The following TRIP11 variants were observed in gnomAD, a reference collection of about 807,000 sequenced individuals.
TRIP11 encodes the protein thyroid hormone receptor interactor 11.
TRIP11 carries 148 observed loss-of-function variants against 223.1 expected under a neutral mutation model. That is an observed-to-expected ratio of 0.66 (90% CI 0.58 to 0.76). TRIP11 has a LOEUF of 0.76. Ranked by LOEUF, TRIP11 falls within the 30% of genes least tolerant of loss-of-function variation. The pLI is 0.00. For synonymous variants in TRIP11, 762 were observed against 772.6 expected, an observed-to-expected ratio of 0.99 and a Z score of 0.23; for missense variants, 2,043 against 2,222.0, an observed-to-expected ratio of 0.92 and a Z score of 1.62.
intron 2 of TRIP11, among the ~76,000 whole-genome samples, chr14:92,028,139 T>C (rs1215042732): frequency 2.6e-5 from 4 of 152,234 alleles, no homozygotes; most frequent in Non-Finnish European, 5.9e-5. Flanking sequence ...TCAGGTTTTT[T>C]TTCACACAAA....
At chr14:92,035,532 T>C (rs79875973) in intron 1 of TRIP11, among the ~76,000 whole-genome samples, 2,683 of 144,804 alleles carry the variant, frequency 0.019, 48 homozygotes, top group South Asian at 0.088. Context: ...GCTAATGAGC[T>C]TTAAAAAAAA....
chr14:92,006,633 C>T (rs2056906802), intron 10 of TRIP11, among the ~76,000 whole-genome samples, 185 bp from the exon 11 acceptor site: 2 of 152,102 alleles, frequency 1.3e-5, no homozygotes, highest in Non-Finnish European at 2.9e-5. Context: ...ACAGCAAACC[C>T]ATCTTGTCTT....
rs762148773 is a variant in TRIP11, at chr14:91,966,857, A to G, written c.*2816T>C. ...ATGGCAGCGAAGGTGGAATTCAACC[A>G]CAAATTCTACTGAGTGGATAGAGAA... On this transcript the variant is annotated 3_prime_UTR_variant, in exon 21 of 21. Transcript: ENST00000267622. 1.0e-4 allele frequency: 22 copies of G among 218,610 alleles called. No individual in the cohort carries two copies. Among genetic ancestry groups the G allele is most frequent in the Non-Finnish European group, 1.8e-4 (20 of 108,938 alleles). 13.5% of individuals were successfully genotyped at this position (218,610 alleles called of 1,614,324 possible). A position where few individuals can be genotyped will look rare whatever the true frequency, so the allele number is the denominator to read the frequency against.
At chr14:91,980,002 G>C (rs1185463506) in intron 16 of TRIP11, among the ~76,000 whole-genome samples, 2 of 151,662 alleles carry the variant, frequency 1.3e-5, no homozygotes, top group Non-Finnish European at 2.9e-5. Context: ...AAGGTGGAGG[G>C]GGGAACTTTA....
chr14:92,015,941 G>A (rs1309296923), intron 5 of TRIP11, 80 bp from the exon 6 acceptor site: 3 of 1,332,494 alleles, frequency 2.3e-6, no homozygotes, highest in Non-Finnish European at 3.1e-6. Flanking sequence ...TTGTCCAAAA[G>A]TGTGCATTAT....
At chr14:92,015,911 G>C in intron 5 of TRIP11, 50 bp from the exon 6 acceptor site, 1 of 1,477,370 alleles carries the variant, frequency 6.8e-7, no homozygotes, top group Non-Finnish European at 9.2e-7. Context: ...ATAAATTTAT[G>C]TAAGCTATAT....
chr14:92,010,586 T>TC (rs941483229), intron 9 of TRIP11, among the ~76,000 whole-genome samples: 34 of 151,942 alleles, frequency 2.2e-4, no homozygotes, highest in African/African-American at 8.2e-4. Flanking sequence ...TCTTTATGCC[T>TC]CACCACTAAG....
chr14:91,976,199 A>C lies in TRIP11; in HGVS notation c.5261-10T>G, dbSNP rs1330121209. ...TCTTGTCGGAGCTCATCTGTTGTAAAATATGTGAATAAAGATAGCCATTAA... is the reference window on the plus strand; with the variant it reads ...TCTTGTCGGAGCTCATCTGTTGTAACATATGTGAATAAAGATAGCCATTAA... On this transcript the variant is annotated splice_polypyrimidine_tract_variant and intron_variant, in intron 16 of 20. Transcript: ENST00000267622. 2 of 1,609,614 alleles carry C rather than the reference A, an allele frequency of 1.2e-6. No homozygotes were observed. The highest frequency in any genetic ancestry group is 1.7e-6 in the Non-Finnish European group (2 of 1,178,316).
chr14:92,038,692 A>C (rs1400469528), intron 1 of TRIP11, among the ~76,000 whole-genome samples: 3 of 152,220 alleles, frequency 2.0e-5, no homozygotes, highest in African/African-American at 7.2e-5. Flanking sequence ...TACAATTGTC[A>C]AAGCAGCAGC....
intron 13 of TRIP11, among the ~76,000 whole-genome samples, chr14:91,996,447 C>G (rs902962808): frequency 1.3e-5 from 2 of 152,152 alleles, no homozygotes; most frequent in African/African-American, 4.8e-5. Flanking sequence ...GAGGCCAAGG[C>G]AAAAGGACTG....
intron 13 of TRIP11, among the ~76,000 whole-genome samples, chr14:91,997,941 C>A (rs570505647): frequency 6.6e-6 from 1 of 152,074 alleles, no homozygotes; most frequent in Non-Finnish European, 1.5e-5. Flanking sequence ...AGTGAGAATA[C>A]AGAATGTTAC....
At chr14:92,034,162 G>A (rs1193168417) in intron 1 of TRIP11, among the ~76,000 whole-genome samples, 2 of 152,064 alleles carry the variant, frequency 1.3e-5, no homozygotes, top group African/African-American at 4.8e-5. Context: ...GTGGCTCACC[G>A]CCTGTAATCC....
At chr14:92,024,422 TC>T (rs2057155172) in intron 3 of TRIP11, among the ~76,000 whole-genome samples, 1 of 152,140 alleles carries the variant, frequency 6.6e-6, no homozygotes, top group Non-Finnish European at 1.5e-5. Context: ...TTTTTAGTAT[TC>T]ATTTTATTTT....
intron 3 of TRIP11, among the ~76,000 whole-genome samples, chr14:92,024,939 A>T (rs753270772): frequency 6.6e-6 from 1 of 152,200 alleles, no homozygotes; most frequent in Non-Finnish European, 1.5e-5. Context: ...GTAAATTATC[A>T]TATATTTAAT....
At position 91,967,134 on chromosome 14, in the gene TRIP11, G is replaced by GGTTTTTTTTTT. The variant is rs2056348888; in HGVS notation, c.*2538_*2539insAAAAAAAAAAC. On this transcript the variant is annotated 3_prime_UTR_variant, in exon 21 of 21. Coordinates refer to ENST00000267622, the MANE Select transcript of TRIP11 (RefSeq NM_004239.4). ...CACAATGAAAACATTAGGTACTATA[G>GGTTTTTTTTTT]CTTTTTTTTTTTTTTTTTTTTTTTT... The GGTTTTTTTTTT allele has an allele frequency of 8.8e-6, 1 of 113,828 alleles. No homozygotes were observed. Among genetic ancestry groups the GGTTTTTTTTTT allele is most frequent in the African/African-American group, 4.8e-5 (1 of 20,828 alleles). The allele number at this position is 113,828 out of a possible 1,614,324, so 7.1% of individuals were successfully genotyped here. A position where few individuals can be genotyped will look rare whatever the true frequency, so the allele number is the denominator to read the frequency against.
chr14:91,995,662 C>A, intron 13 of TRIP11, 147 bp from the exon 14 acceptor site: 1 of 783,762 alleles, frequency 1.3e-6, no homozygotes, highest in South Asian at 1.8e-5. Context: ...GTCACCCAGG[C>A]TGGAGTGCAG....
chr14:91,970,039 A>G lies in TRIP11; in HGVS notation c.5720-146T>C, dbSNP rs920655552. On this transcript the variant is annotated intron_variant, in intron 20 of 20. Transcript: ENST00000267622. ...AATAAAAATAATCAATGTATCACTT[A>G]TCAACTTAAAAATTCTCCCTTGACG... 3 of 870,310 alleles carry G rather than the reference A, an allele frequency of 3.4e-6. No homozygotes were observed. The Admixed American group carries it at 7.4e-5, about 22-fold the overall frequency. The allele number at this position is 870,310 out of a possible 1,614,324, so 53.9% of individuals were successfully genotyped here.
intron 13 of TRIP11, among the ~76,000 whole-genome samples, chr14:91,996,746 A>G (rs1228434601): frequency 6.6e-6 from 1 of 152,190 alleles, no homozygotes; most frequent in Non-Finnish European, 1.5e-5. Context: ...TGAATTCACA[A>G]CTTTCCAAAG....
In TRIP11 at chr14:91,968,269, A is replaced by T; in HGVS notation, c.*1404T>A. ...AAAATTTGCAAGAAATATCTTTTTA[A>T]ATGTACAACTTCAACAACTAATAAA... is the stretch of plus-strand genomic sequence containing the variant. On this transcript the variant is annotated 3_prime_UTR_variant, in exon 21 of 21. Coordinates refer to ENST00000267622, the MANE Select transcript of TRIP11 (RefSeq NM_004239.4). 1 of 204,664 alleles carries T rather than the reference A, an allele frequency of 4.9e-6. No homozygotes were observed. Among genetic ancestry groups the T allele is most frequent in the East Asian group, 7.6e-5 (1 of 13,216 alleles). 12.7% of individuals were successfully genotyped at this position (204,664 alleles called of 1,614,324 possible). A position where few individuals can be genotyped will look rare whatever the true frequency, so the allele number is the denominator to read the frequency against.
Sources: gnomAD v4.1 joint callset for allele counts (sites outside exome capture counted in the v4.1 genomes callset) on GRCh38, gnomAD v4.1.1 for gene constraint, MANE v1.5 for transcripts, NCBI Gene and HGNC (gene_info 2026-07-23, HGNC 2026-07-21) for gene names.